Variants in MAP3K3 observed in about 807,000 individuals in gnomAD.
MAP3K3 encodes MAP/ERK kinase kinase 3.
A neutral mutation model predicts 80.9 loss-of-function variants in MAP3K3; 12 were observed. The ratio of observed to expected loss-of-function variants is 0.15; its 90% CI spans 0.10 to 0.24. The LOEUF (loss-of-function observed/expected upper bound fraction) is 0.24. MAP3K3 is among the 10% of genes least tolerant of loss of function. The probability of loss-of-function intolerance (pLI) is 1.00; values close to 1 mark genes in which losing one functional copy is unlikely to be tolerated. For missense variants in MAP3K3, 596 were observed against 834.7 expected, an observed-to-expected ratio of 0.71 and a Z score of 3.52; for synonymous variants, 272 against 307.1, an observed-to-expected ratio of 0.89 and a Z score of 1.19.
intron 3 of MAP3K3, among the ~76,000 whole-genome samples, chr17:63,651,519 T>G (rs2034656328): frequency 6.6e-6 from 1 of 152,030 alleles, no homozygotes; most frequent in South Asian, 2.1e-4. Flanking sequence ...TTATGGAAAT[T>G]TCAAGCACAC....
In MAP3K3 at chr17:63,692,901, T is replaced by C. The variant is rs2035622417; in HGVS notation, c.1652+482T>C. 6.6e-6 allele frequency among the ~76,000 whole-genome samples: 1 copy of C among 152,128 alleles called. No individual in the cohort carries two copies. Among genetic ancestry groups the C allele is most frequent in the African/African-American group, 2.4e-5 (1 of 41,426 alleles). On this transcript the variant is annotated intron_variant, in intron 15 of 15. Transcript: ENST00000361733. The surrounding 1 kb of genome is among the most constrained non-coding windows in gnomAD (Gnocchi z 4.5). The stretch of plus-strand genomic sequence containing the variant: ...ACTGCCTAATCCCTGGATCTGTAAA[T>C]GTGATTGTATATAGCAAAGGGCCTT...
At chr17:63,647,741 CAG>C (rs1021758065) in intron 3 of MAP3K3, among the ~76,000 whole-genome samples, 10 of 152,196 alleles carry the variant, frequency 6.6e-5, no homozygotes, top group Admixed American at 6.5e-4. Context: ...GGGAAGCCAA[CAG>C]AGTTAGTACT....
At chr17:63,649,193 T>C (rs529325618) in intron 3 of MAP3K3, among the ~76,000 whole-genome samples, 1 of 152,212 alleles carries the variant, frequency 6.6e-6, no homozygotes, top group East Asian at 1.9e-4. Context: ...TCCCAGCACT[T>C]TGGGAGGCTG....
chr17:63,622,660 C>A lies in MAP3K3; in HGVS notation c.-100C>A. On this transcript the variant is annotated 5_prime_UTR_variant, in exon 1 of 16. Coordinates refer to ENST00000361733, the MANE Select transcript of MAP3K3 (RefSeq NM_002401.5). ...GCAGCCCGCGCCCCCCGCGCGGAGC[C>A]AGGCCCGCTGCCGTCCCCGCCGCCC... The A allele has an allele frequency of 3.0e-6, 1 of 338,830 alleles. No individual in the cohort carries two copies. Among genetic ancestry groups the A allele is most frequent in the Non-Finnish European group, 5.9e-6 (1 of 169,396 alleles). 21.0% of individuals were successfully genotyped at this position (338,830 alleles called of 1,614,324 possible).
chr17:63,673,986 G>A (rs1290876320), intron 6 of MAP3K3, among the ~76,000 whole-genome samples: 1 of 151,902 alleles, frequency 6.6e-6, no homozygotes, highest in Non-Finnish European at 1.5e-5. Context: ...AGGCTGAGGT[G>A]GGACAATCAC....
At chr17:63,628,274 A>G (rs1388066301) in intron 1 of MAP3K3, among the ~76,000 whole-genome samples, 1 of 152,138 alleles carries the variant, frequency 6.6e-6, no homozygotes, top group Non-Finnish European at 1.5e-5. Flanking sequence ...AACCTCTTAT[A>G]TAACCATATA....
At chr17:63,674,079 CAAA>C (rs753092392) in intron 6 of MAP3K3, among the ~76,000 whole-genome samples, 12 of 113,096 alleles carry the variant, frequency 1.1e-4, no homozygotes, top group Admixed American at 9.2e-5. Context: ...GACTCTGTCT[CAAA>C]AAAAAAAAAA....
At chr17:63,630,648 C>T (rs2034197351) in intron 1 of MAP3K3, among the ~76,000 whole-genome samples, 1 of 152,066 alleles carries the variant, frequency 6.6e-6, no homozygotes, top group Admixed American at 6.6e-5. Context: ...TTTAAAGAAG[C>T]TATAGGGAAA....
intron 2 of MAP3K3, among the ~76,000 whole-genome samples, chr17:63,635,387 T>C (rs906321822): frequency 1.3e-5 from 2 of 152,172 alleles, no homozygotes; most frequent in African/African-American, 4.8e-5. Context: ...GTTTAGAAAT[T>C]GAAGCTCAAA....
chr17:63,691,986 C>A lies in MAP3K3; in HGVS notation c.1474+124C>A. 1 of 1,146,164 alleles carries A rather than the reference C, an allele frequency of 8.7e-7. No individual in the cohort carries two copies. The highest frequency in any genetic ancestry group is 1.5e-5 in the African/African-American group (1 of 64,778). 71.0% of individuals were successfully genotyped at this position (1,146,164 alleles called of 1,614,324 possible). ...GAAAAGTGGGACCCCAGTTGTTTCCCTGAGGAACTGGTGAGATTGGTTGAG... is the reference window on the plus strand; with the variant it reads ...GAAAAGTGGGACCCCAGTTGTTTCCATGAGGAACTGGTGAGATTGGTTGAG... On this transcript the variant is annotated intron_variant, in intron 14 of 15. Transcript: ENST00000361733. The surrounding 1 kb of genome is among the most constrained non-coding windows in gnomAD (Gnocchi z 4.8).
intron 2 of MAP3K3, among the ~76,000 whole-genome samples, chr17:63,640,448 CTG>C (rs1422996395): frequency 6.6e-6 from 1 of 152,140 alleles, no homozygotes; most frequent in East Asian, 1.9e-4. Flanking sequence ...GGTCCATAAT[CTG>C]TTATCTGCAG....
intron 7 of MAP3K3, 134 bp downstream of exon 7, chr17:63,682,033 CT>C (rs2035349034): frequency 1.3e-6 from 1 of 752,660 alleles, no homozygotes. Context: ...TAAACCAGGC[CT>C]GCCCAAATAT....
intron 7 of MAP3K3, among the ~76,000 whole-genome samples, chr17:63,685,175 A>C (rs2035421557): frequency 6.6e-6 from 1 of 152,230 alleles, no homozygotes; most frequent in African/African-American, 2.4e-5. Flanking sequence ...GTCCCACCCG[A>C]ACTCACTGGA....
intron 6 of MAP3K3, among the ~76,000 whole-genome samples, chr17:63,676,413 A>C (rs1176817638): frequency 6.6e-6 from 1 of 152,214 alleles, no homozygotes; most frequent in Non-Finnish European, 1.5e-5. Context: ...CAGACACTCC[A>C]TGTAACAGAT....
intron 12 of MAP3K3, 120 bp downstream of exon 12, chr17:63,690,532 C>T: frequency 9.2e-7 from 1 of 1,089,672 alleles, no homozygotes; most frequent in South Asian, 1.5e-5. Flanking sequence ...TTCCCAAACT[C>T]CCTTTCTGTC....
At chr17:63,683,830 T>C (rs1272992815) in intron 7 of MAP3K3, among the ~76,000 whole-genome samples, 3 of 152,198 alleles carry the variant, frequency 2.0e-5, no homozygotes, top group African/African-American at 7.2e-5. Context: ...AAAGCATGAT[T>C]CATGTTAATT....
In MAP3K3 at chr17:63,693,826, G is replaced by A. The variant is rs973628944; in HGVS notation, c.*49G>A. 4.7e-6 allele frequency: 7 copies of A among 1,497,704 alleles called. No individual in the cohort carries two copies. Among genetic ancestry groups the A allele is most frequent in the Non-Finnish European group, 6.4e-6 (7 of 1,092,504 alleles). 92.8% of individuals were successfully genotyped at this position (1,497,704 alleles called of 1,614,324 possible). On this transcript the variant is annotated 3_prime_UTR_variant, in exon 16 of 16. Transcript: ENST00000361733. The surrounding 1 kb of genome is among the most constrained non-coding windows in gnomAD (Gnocchi z 4.2). The stretch of plus-strand genomic sequence containing the variant: ...GGTCGCCCTTTGCTGCATGGCAGGG[G>A]GCTGCTGCTGGGCTCAGTGAAGTTG...
chr17:63,679,664 G>A lies in MAP3K3; in HGVS notation c.503-2102G>A, dbSNP rs1027558142. Reference sequence around the variant, plus strand: ...TAATTTTTAAAATATTTTTTGTAGAGATGGGGTCTCACCATGTTGCCCATG... The same window carrying A: ...TAATTTTTAAAATATTTTTTGTAGAAATGGGGTCTCACCATGTTGCCCATG... On this transcript the variant is annotated intron_variant, in intron 6 of 15. Transcript: ENST00000361733. 2.6e-5 allele frequency among the ~76,000 whole-genome samples: 4 copies of A among 152,116 alleles called. No individual in the cohort carries two copies. The East Asian group carries it at 7.7e-4, about 29-fold the overall frequency.
At chr17:63,682,823 T>C (rs2035368548) in intron 7 of MAP3K3, 1 of 152,248 alleles carries the variant, frequency 6.6e-6, no homozygotes, top group African/African-American at 2.4e-5. Context: ...CTCTTTGCCA[T>C]AGTCTATTGG....
Sources: allele counts gnomAD v4.1 joint callset (sites outside exome capture counted in the v4.1 genomes callset), GRCh38; gene constraint gnomAD v4.1.1; non-coding constraint Gnocchi (gnomAD v3.1); transcripts MANE v1.5; gene names NCBI Gene and HGNC (gene_info 2026-07-23, HGNC 2026-07-21).